Variants in SLC35B3 observed in about 807,000 individuals in gnomAD.
The protein encoded by SLC35B3 is solute carrier family 35 member B3, also known as adenosine 3'-phospho 5'-phosphosulfate transporter 2.
SLC35B3 carries 35 observed loss-of-function variants against 44.1 expected under a neutral mutation model. The observed-to-expected ratio is 0.79, with a 90% CI of 0.61 to 1.05. SLC35B3 has a LOEUF of 1.05. Among genes scored for constraint, SLC35B3 ranks in the 50% least tolerant of loss-of-function variants. The pLI is 0.00. For missense variants in SLC35B3, 414 were observed against 476.4 expected, an observed-to-expected ratio of 0.87 and a Z score of 1.22; for synonymous variants, 146 against 167.3, an observed-to-expected ratio of 0.87 and a Z score of 0.98.
intron 4 of SLC35B3, among the ~76,000 whole-genome samples, chr6:8,426,205 T>C (rs1323952744): frequency 6.6e-6 from 1 of 152,242 alleles, no homozygotes; most frequent in Non-Finnish European, 1.5e-5. Flanking sequence ...TTTCGATTTT[T>C]TTCAGGTTTT....
chr6:8,421,234 A>AT (rs1320397270), intron 5 of SLC35B3, among the ~76,000 whole-genome samples: 2 of 152,242 alleles, frequency 1.3e-5, no homozygotes, highest in South Asian at 2.1e-4. Flanking sequence ...GTCTGGTTAC[A>AT]TAACTGTTTA....
intron 3 of SLC35B3, among the ~76,000 whole-genome samples, chr6:8,429,068 A>T (rs1284332194): frequency 6.6e-6 from 1 of 152,178 alleles, no homozygotes; most frequent in East Asian, 1.9e-4. Flanking sequence ...TACTGGAAAT[A>T]TCTGTGTTTT....
At position 8,429,848 on chromosome 6, in the gene SLC35B3, CAT is replaced by C. The variant is rs1361692181; in HGVS notation, c.297+14_297+15del. 3.3e-6 allele frequency: 5 copies of C among 1,499,908 alleles called. No homozygotes were observed. The highest frequency in any genetic ancestry group is 1.4e-5 in the African/African-American group (1 of 70,942). The allele number at this position is 1,499,908 out of a possible 1,614,324, so 92.9% of individuals were successfully genotyped here. A position where few individuals can be genotyped will look rare whatever the true frequency, so the allele number is the denominator to read the frequency against. ...TTATAAATAATTAACATATTACAAA[CAT>C]ATAACTTTTTTACCTGTAAATACCC... On this transcript the variant is annotated intron_variant, in intron 3 of 10. Transcript: ENST00000644923.
At position 8,411,714 on chromosome 6, in the gene SLC35B3, T is replaced by C. The variant is rs958271727; in HGVS notation, c.*1835A>G. On this transcript the variant is annotated 3_prime_UTR_variant, in exon 11 of 11. Transcript: ENST00000644923. ...GCTCTGTTGTACCTGCATATGCACA[T>C]AACAGATTAAATAGCCATCAGAATA... Among the ~76,000 whole-genome samples the C allele has an allele frequency of 2.6e-5, 4 of 152,134 alleles. No homozygotes were observed. Among genetic ancestry groups the C allele is most frequent in the African/African-American group, 9.7e-5 (4 of 41,420 alleles).
At chr6:8,423,183 C>T (rs1763089954) in intron 4 of SLC35B3, among the ~76,000 whole-genome samples, 1 of 152,060 alleles carries the variant, frequency 6.6e-6, no homozygotes, top group South Asian at 2.1e-4. Flanking sequence ...TAAAAGGTAC[C>T]TTAACATTTT....
chr6:8,427,547 T>A (rs372816332), intron 4 of SLC35B3, among the ~76,000 whole-genome samples: 131 of 152,290 alleles, frequency 8.6e-4, no homozygotes, highest in African/African-American at 3.0e-3. Flanking sequence ...ATTTCTGGAT[T>A]TAGGATTTTT....
At chr6:8,427,884 C>CA in intron 4 of SLC35B3, 53 bp downstream of exon 3, 4 of 1,519,652 alleles carry the variant, frequency 2.6e-6, no homozygotes, top group Non-Finnish European at 3.5e-6. Context: ...TTCAGTATGC[C>CA]AAAAAAATTC....
Position 8,426,180 on chromosome 6 carries a change from C to A in SLC35B3, c.419+1757G>T, listed in dbSNP as rs373350710. Among the ~76,000 whole-genome samples, 6 of 152,252 alleles carry A rather than the reference C, an allele frequency of 3.9e-5. No individual in the cohort carries two copies. The South Asian group carries it at 6.2e-4, about 16-fold the overall frequency. On this transcript the variant is annotated intron_variant, in intron 4 of 10. Transcript: ENST00000644923. ...TATCCCTCATCCAAAATGCTGGCGA[C>A]CAGAGTGTTTCAAATTTCGATTTTT...
In SLC35B3 at chr6:8,429,861, T is replaced by C; in HGVS notation, c.297+3A>G. The C allele has an allele frequency of 6.5e-7, 1 of 1,541,718 alleles. No individual in the cohort carries two copies. Among genetic ancestry groups the C allele is most frequent in the Non-Finnish European group, 8.8e-7 (1 of 1,135,494 alleles). Reference sequence around the variant, plus strand: ...ACATATTACAAACATATAACTTTTTTACCTGTAAATACCCATAAATTAGGT... The same window carrying C: ...ACATATTACAAACATATAACTTTTTCACCTGTAAATACCCATAAATTAGGT... On this transcript the variant is annotated splice_donor_region_variant and intron_variant, in intron 3 of 10. Transcript: ENST00000644923.
intron 4 of SLC35B3, among the ~76,000 whole-genome samples, chr6:8,424,802 C>T (rs979429334): frequency 6.6e-6 from 1 of 152,080 alleles, no homozygotes; most frequent in Non-Finnish European, 1.5e-5. Flanking sequence ...TAATAAGACC[C>T]AAGTGCCAAG....
At chr6:8,425,481 T>C (rs1219078013) in intron 4 of SLC35B3, among the ~76,000 whole-genome samples, 3 of 152,054 alleles carry the variant, frequency 2.0e-5, no homozygotes, top group African/African-American at 4.8e-5. Context: ...GATTCTATCA[T>C]GGAGAATCAT....
At position 8,434,283 on chromosome 6, in the gene SLC35B3, G is replaced by C; in HGVS notation, c.3+102C>G. 1.8e-6 allele frequency: 2 copies of C among 1,105,754 alleles called. No individual in the cohort carries two copies. Among genetic ancestry groups the C allele is most frequent in the Non-Finnish European group, 2.7e-6 (2 of 738,784 alleles). 68.5% of individuals were successfully genotyped at this position (1,105,754 alleles called of 1,614,324 possible). A position where few individuals can be genotyped will look rare whatever the true frequency, so the allele number is the denominator to read the frequency against. On this transcript the variant is annotated intron_variant, in intron 2 of 10. Transcript: ENST00000644923. The surrounding 1 kb of genome is among the most constrained non-coding windows in gnomAD (Gnocchi z 6.3). The stretch of plus-strand genomic sequence containing the variant: ...GGACAAAAGTCCCACACCAAAAAAA[G>C]GTAGAATATGAAAAAAAAGTCATTA...
At chr6:8,429,198 C>A (rs1220380873) in intron 3 of SLC35B3, among the ~76,000 whole-genome samples, 2 of 152,142 alleles carry the variant, frequency 1.3e-5, no homozygotes, top group Non-Finnish European at 2.9e-5. Flanking sequence ...CCTGTTTTCA[C>A]TAGCCTGGAT....
At chr6:8,422,912 T>G (rs1034274) in intron 4 of SLC35B3, among the ~76,000 whole-genome samples, 41,716 of 107,248 alleles carry the variant, frequency 0.39, 6,745 homozygotes, top group African/African-American at 0.59. Flanking sequence ...AAAAGGTTTT[T>G]TTTTTTTTTT....
At position 8,434,724 on chromosome 6, in the gene SLC35B3, A is replaced by G. The variant is rs940174949; in HGVS notation, c.-43-294T>C. On this transcript the variant is annotated intron_variant, in intron 1 of 10. Coordinates refer to ENST00000644923, the MANE Select transcript of SLC35B3 (RefSeq NM_001370476.2). The surrounding 1 kb of genome is among the most constrained non-coding windows in gnomAD (Gnocchi z 6.3). ...AGGCTTCTGATATCCTAATGTAGAAAAAATGCAGATACTCAACACTTAAGA... is the reference window on the plus strand; with the variant it reads ...AGGCTTCTGATATCCTAATGTAGAAGAAATGCAGATACTCAACACTTAAGA... 3.9e-5 allele frequency among the ~76,000 whole-genome samples: 6 copies of G among 152,226 alleles called. No individual in the cohort carries two copies. Among genetic ancestry groups the G allele is most frequent in the African/African-American group, 1.4e-4 (6 of 41,466 alleles).
intron 7 of SLC35B3, among the ~76,000 whole-genome samples, chr6:8,417,703 A>G (rs1762542937): frequency 6.6e-6 from 1 of 152,110 alleles, no homozygotes; most frequent in Non-Finnish European, 1.5e-5. Context: ...AATAACACCT[A>G]GTAATATTAA....
At chr6:8,415,042 A>G in intron 9 of SLC35B3, 65 bp from the exon 9 acceptor site, 1 of 1,099,226 alleles carries the variant, frequency 9.1e-7, no homozygotes, top group Non-Finnish European at 1.4e-6. Context: ...GAAATCACTT[A>G]TTCAGCAAAT....
At chr6:8,421,121 TA>T (rs1399659333) in intron 5 of SLC35B3, among the ~76,000 whole-genome samples, 1 of 152,124 alleles carries the variant, frequency 6.6e-6, no homozygotes, top group Non-Finnish European at 1.5e-5. Context: ...CACAAACATT[TA>T]AAAAATTTCC....
chr6:8,435,278 A>G lies in SLC35B3; in HGVS notation c.-44+65T>C. The G allele has an allele frequency of 7.8e-7, 1 of 1,289,322 alleles. No individual in the cohort carries two copies. Among genetic ancestry groups the G allele is most frequent in the Non-Finnish European group, 1.0e-6 (1 of 988,856 alleles). The allele number at this position is 1,289,322 out of a possible 1,614,324, so 79.9% of individuals were successfully genotyped here. A position where few individuals can be genotyped will look rare whatever the true frequency, so the allele number is the denominator to read the frequency against. On this transcript the variant is annotated intron_variant, in intron 1 of 10. Transcript: ENST00000644923. This position sits in a 1 kb window ranked among gnomAD's most constrained non-coding sequence, Gnocchi z 5.5. Reference sequence around the variant, plus strand: ...CTGGATGAGGAAGATGGGCAGTGTCAAGGTTTTCTGGAGGAGAGGAGATCT... The same window carrying G: ...CTGGATGAGGAAGATGGGCAGTGTCGAGGTTTTCTGGAGGAGAGGAGATCT...
Sources: allele counts gnomAD v4.1 joint callset (sites outside exome capture counted in the v4.1 genomes callset), GRCh38; gene constraint gnomAD v4.1.1; non-coding constraint Gnocchi (gnomAD v3.1); transcripts MANE v1.5; gene names NCBI Gene and HGNC (gene_info 2026-07-23, HGNC 2026-07-21).